The following PTAR1 variants were observed in gnomAD, a reference collection of about 807,000 sequenced individuals.
The protein encoded by PTAR1 is protein prenyltransferase alpha subunit repeat-containing protein 1.
PTAR1 carries 17 observed loss-of-function variants against 45.5 expected under a neutral mutation model. The observed-to-expected ratio is 0.37, with a 90% CI of 0.26 to 0.56. PTAR1 has a LOEUF of 0.56. PTAR1 is among the 20% of genes least tolerant of loss of function. The pLI is 0.77. For synonymous variants in PTAR1, 169 were observed against 171.3 expected (o/e 0.99, Z 0.11); for missense variants, 391 against 476.3 (o/e 0.82, Z 1.67).
chr9:69,731,295 G>C (rs1588457224), intron 5 of PTAR1, among the ~76,000 whole-genome samples: 1 of 151,988 alleles, frequency 6.6e-6, no homozygotes. Context: ...GCATCACCTG[G>C]GGCACTTCAA....
rs1311262347 is a variant in PTAR1, at chr9:69,715,118, ATATAT to A, written c.*3219_*3223del. The A allele has an allele frequency of 6.6e-6, 1 of 152,050 alleles. No homozygotes were observed. The highest frequency in any genetic ancestry group is 2.4e-5 in the African/African-American group (1 of 41,432). 9.4% of individuals were successfully genotyped at this position (152,050 alleles called of 1,614,324 possible). A position where few individuals can be genotyped will look rare whatever the true frequency, so the allele number is the denominator to read the frequency against. On this transcript the variant is annotated 3_prime_UTR_variant, in exon 8 of 8. Transcript: ENST00000340434. ...TTCTTTAGCTCTACAAATTTTTAAT[ATATAT>A]TATAATACAGTTAATTGACAATTAC...
chr9:69,720,789 C>T (rs947594449), intron 6 of PTAR1, among the ~76,000 whole-genome samples: 3 of 152,172 alleles, frequency 2.0e-5, no homozygotes, highest in Admixed American at 1.3e-4. Flanking sequence ...GCTAAGTCTA[C>T]TCTGCCTGTA....
In PTAR1 at chr9:69,718,279, T is replaced by C; in HGVS notation, c.*63A>G. ...ATAGTAAACAGTTCATGCAACTATG[T>C]AAATAATAAAAGAAAGCAATATTGC... On this transcript the variant is annotated 3_prime_UTR_variant, in exon 8 of 8. Transcript: ENST00000340434. 8.6e-7 allele frequency: 1 copy of C among 1,167,504 alleles called. No homozygotes were observed. Among genetic ancestry groups the C allele is most frequent in the East Asian group, 2.5e-5 (1 of 40,414 alleles). 72.3% of individuals were successfully genotyped at this position (1,167,504 alleles called of 1,614,324 possible).
At chr9:69,759,080 G>A (rs1456207317) in intron 1 of PTAR1, among the ~76,000 whole-genome samples, 1 of 152,014 alleles carries the variant, frequency 6.6e-6, no homozygotes, top group Non-Finnish European at 1.5e-5. Flanking sequence ...GTAGACTCTT[G>A]CGGTATCTTC....
chr9:69,724,627 G>A lies in PTAR1; in HGVS notation c.643-997C>T, dbSNP rs111690882. 7.1e-3 allele frequency among the ~76,000 whole-genome samples: 1,072 copies of A among 151,412 alleles called. 20 individuals carry two copies. The highest frequency in any genetic ancestry group is 0.025 in the African/African-American group (1,002 of 40,860). On this transcript the variant is annotated intron_variant, in intron 5 of 7. Coordinates refer to ENST00000340434, the MANE Select transcript of PTAR1 (RefSeq NM_001099666.2). The stretch of plus-strand genomic sequence containing the variant: ...CCATTTCTTACACCATTTTTCTTCC[G>A]CGGGAATCTTTCCTTTTGCTGAACC...
At chr9:69,740,449 T>C (rs1034415597) in intron 3 of PTAR1, among the ~76,000 whole-genome samples, 3 of 152,100 alleles carry the variant, frequency 2.0e-5, no homozygotes, top group South Asian at 2.1e-4. Context: ...TATGCATATA[T>C]GCTAGGCTAG....
chr9:69,745,266 T>C (rs572838070), intron 2 of PTAR1, among the ~76,000 whole-genome samples: 8 of 152,356 alleles, frequency 5.3e-5, no homozygotes, highest in Admixed American at 3.3e-4. Flanking sequence ...AAAACCCCTT[T>C]GTAGTCAAGT....
chr9:69,732,660 TA>T (rs954995312), intron 4 of PTAR1, among the ~76,000 whole-genome samples: 27 of 152,072 alleles, frequency 1.8e-4, no homozygotes, highest in African/African-American at 6.0e-4. Flanking sequence ...CCAGGAAATG[TA>T]AAGGCAATTG....
In PTAR1 at chr9:69,716,843, AG is replaced by A. The variant is rs1232442393; in HGVS notation, c.*1498del. 6.6e-6 allele frequency: 1 copy of A among 152,152 alleles called. No homozygotes were observed. The highest frequency in any genetic ancestry group is 1.9e-4 in the East Asian group (1 of 5,190). 9.4% of individuals were successfully genotyped at this position (152,152 alleles called of 1,614,324 possible). ...ATGAGGTATGAAATTCATTGCAAAT[AG>A]GGGGTAGAAATCTTGAAGACACACC... is the stretch of plus-strand genomic sequence containing the variant. On this transcript the variant is annotated 3_prime_UTR_variant, in exon 8 of 8. Coordinates refer to ENST00000340434, the MANE Select transcript of PTAR1 (RefSeq NM_001099666.2).
intron 1 of PTAR1, 104 bp downstream of exon 1, chr9:69,759,749 G>T: frequency 2.6e-6 from 3 of 1,170,280 alleles, no homozygotes; most frequent in Non-Finnish European, 3.5e-6. Flanking sequence ...GGGCTCGTGG[G>T]CCAGGACCCG....
At chr9:69,741,051 C>G (rs201414640) in intron 3 of PTAR1, among the ~76,000 whole-genome samples, 13 of 152,112 alleles carry the variant, frequency 8.5e-5, no homozygotes, top group Non-Finnish European at 1.9e-4. Flanking sequence ...CTAATGGCTA[C>G]TGTACTGGAT....
intron 1 of PTAR1, 87 bp downstream of exon 1, chr9:69,759,766 G>T: frequency 7.4e-7 from 1 of 1,347,684 alleles, no homozygotes; most frequent in Non-Finnish European, 9.9e-7. Context: ...CCCGCTGTCC[G>T]CCCGCCGCCC....
intron 2 of PTAR1, among the ~76,000 whole-genome samples, chr9:69,749,198 A>C (rs931477828): frequency 1.3e-5 from 2 of 152,146 alleles, no homozygotes; most frequent in African/African-American, 2.4e-5. Context: ...GACCACAGAA[A>C]GGGTAGGTTG....
rs139309107 is a variant in PTAR1 at position 69,733,146 on chromosome 9, A to AT, written c.429-795dup. Among the ~76,000 whole-genome samples, 1,325 of 152,270 alleles carry AT rather than the reference A, an allele frequency of 8.7e-3. 14 individuals are homozygous for AT. Among genetic ancestry groups the AT allele is most frequent in the African/African-American group, 0.029 (1,200 of 41,540 alleles). On this transcript the variant is annotated intron_variant, in intron 4 of 7. Coordinates refer to ENST00000340434, the MANE Select transcript of PTAR1 (RefSeq NM_001099666.2). ...TTATTTAACAACAAAATATTGCTTG[A>AT]TAAAAAAAATTAGACAAGCCAAACT...
rs144562992 is a variant in PTAR1 at position 69,738,676 on chromosome 9, T to C, written c.323+3116A>G. On this transcript the variant is annotated intron_variant, in intron 3 of 7. Transcript: ENST00000340434. ...CTCTATAAGATGCTCCAAGCTCATC[T>C]TGTATACTTCCTGCTCTGGTCCTAG... 4.2e-4 allele frequency among the ~76,000 whole-genome samples: 64 copies of C among 152,308 alleles called. No homozygotes were observed. In the East Asian group the frequency reaches 9.1e-3, roughly 22 times the overall value.
intron 1 of PTAR1, among the ~76,000 whole-genome samples, chr9:69,753,523 C>G (rs1006569412): frequency 2.0e-5 from 3 of 152,146 alleles, no homozygotes; most frequent in Non-Finnish European, 4.4e-5. Flanking sequence ...CACACATATA[C>G]ATACATATCA....
At chr9:69,733,409 G>C (rs1825639283) in intron 4 of PTAR1, among the ~76,000 whole-genome samples, 1 of 152,080 alleles carries the variant, frequency 6.6e-6, no homozygotes, top group South Asian at 2.1e-4. Context: ...AGAAAAATTA[G>C]AGTGGCTTAA....
chr9:69,734,616 G>A (rs1475299703), intron 3 of PTAR1, among the ~76,000 whole-genome samples: 2 of 151,774 alleles, frequency 1.3e-5, no homozygotes, highest in Non-Finnish European at 2.9e-5. Flanking sequence ...GTACCTATAG[G>A]GCCAATCCAA....
At position 69,711,358 on chromosome 9, in the gene PTAR1, GT is replaced by G. The variant is rs975318200; in HGVS notation, c.*6983del. ...AGTTCAGGTAGGAATGTTTATTTGT[GT>G]TTTATAAAACTGTTTAATCTTTTTA... is the stretch of plus-strand genomic sequence containing the variant. On this transcript the variant is annotated 3_prime_UTR_variant, in exon 8 of 8. Transcript: ENST00000340434. 2 of 152,094 alleles carry G rather than the reference GT, an allele frequency of 1.3e-5. No homozygotes were observed. The highest frequency in any genetic ancestry group is 2.9e-5 in the Non-Finnish European group (2 of 67,994). The allele number at this position is 152,094 out of a possible 1,614,324, so 9.4% of individuals were successfully genotyped here.
Sources: gnomAD v4.1 joint callset for allele counts (sites outside exome capture counted in the v4.1 genomes callset) on GRCh38, gnomAD v4.1.1 for gene constraint, MANE v1.5 for transcripts, NCBI Gene and HGNC (gene_info 2026-07-23, HGNC 2026-07-21) for gene names.